Variants in ITSN2 observed in about 807,000 individuals in gnomAD.
ITSN2 encodes the protein intersectin-2.
Under a neutral mutation model 243.7 loss-of-function variants are expected in ITSN2, and 156 were observed. The observed-to-expected ratio is 0.64, with a 90% CI of 0.56 to 0.73. The LOEUF is 0.73. Among genes scored for constraint, ITSN2 ranks in the 30% least tolerant of loss-of-function variants. The pLI, the probability that ITSN2 is intolerant of heterozygous loss-of-function variation, is 0.00. For missense variants in ITSN2, 1,801 were observed against 1,996.1 expected, an observed-to-expected ratio of 0.90 and a Z score of 1.86; for synonymous variants, 703 against 699.9, an observed-to-expected ratio of 1.00 and a Z score of -0.07.
At chr2:24,261,459 C>A in intron 21 of ITSN2, 102 bp downstream of exon 21, 5 of 1,050,790 alleles carry the variant, frequency 4.8e-6, no homozygotes, top group Admixed American at 4.4e-5. Context: ...AAGAGTACAA[C>A]CCGGATTACA....
chr2:24,292,962 A>G (rs1485691758), intron 15 of ITSN2, among the ~76,000 whole-genome samples: 3 of 152,220 alleles, frequency 2.0e-5, no homozygotes, highest in Non-Finnish European at 4.4e-5. Context: ...GACTTGATAG[A>G]GACTCAATGA....
At position 24,204,938 on chromosome 2, in the gene ITSN2, G is replaced by A; in HGVS notation, c.4762+276C>T. Reference sequence around the variant, plus strand: ...GAGGCGGGCAGATCACTTGAGGTCAGGAGTTCGAGACCAGCCTGGCCAACA... The same window carrying A: ...GAGGCGGGCAGATCACTTGAGGTCAAGAGTTCGAGACCAGCCTGGCCAACA... On this transcript the variant is annotated intron_variant, in intron 38 of 39. Coordinates refer to ENST00000355123, the MANE Select transcript of ITSN2 (RefSeq NM_006277.3). This position sits in a 1 kb window ranked among gnomAD's most constrained non-coding sequence, Gnocchi z 5.1. 1 of 374,824 alleles carries A rather than the reference G, an allele frequency of 2.7e-6. No individual in the cohort carries two copies. Among genetic ancestry groups the A allele is most frequent in the East Asian group, 6.8e-5 (1 of 14,672 alleles). The allele number at this position is 374,824 out of a possible 1,614,324, so 23.2% of individuals were successfully genotyped here. A position where few individuals can be genotyped will look rare whatever the true frequency, so the allele number is the denominator to read the frequency against.
At chr2:24,301,533 T>C (rs1031633843) in intron 10 of ITSN2, among the ~76,000 whole-genome samples, 4 of 151,772 alleles carry the variant, frequency 2.6e-5, no homozygotes, top group African/African-American at 9.7e-5. Context: ...CTTCTTTTTT[T>C]TTTTTTTTTT....
chr2:24,260,364 T>A (rs569639307), intron 22 of ITSN2, among the ~76,000 whole-genome samples: 2 of 151,164 alleles, frequency 1.3e-5, no homozygotes, highest in South Asian at 2.1e-4. Flanking sequence ...GTCTGCAATT[T>A]AAAAAAATAA....
intron 30 of ITSN2, chr2:24,220,292 G>C (rs1424524915): frequency 2.0e-6 from 2 of 982,046 alleles, no homozygotes; most frequent in Non-Finnish European, 2.4e-6. Context: ...TGTACACTGG[G>C]AACTGAAAGG....
At chr2:24,255,276 G>A (rs1235793113) in intron 23 of ITSN2, among the ~76,000 whole-genome samples, 10 of 152,218 alleles carry the variant, frequency 6.6e-5, no homozygotes, top group Non-Finnish European at 1.0e-4. Flanking sequence ...GCCTAGCACA[G>A]TGCATGCATA....
At chr2:24,221,591 C>G (rs1670454564) in intron 29 of ITSN2, 1 of 152,294 alleles carries the variant, frequency 6.6e-6, no homozygotes, top group African/African-American at 2.4e-5. Flanking sequence ...TCACTGTGAG[C>G]TACTGTTAAA....
At chr2:24,261,782 T>A in intron 20 of ITSN2, 40 bp from the exon 21 acceptor site, 2 of 1,450,274 alleles carry the variant, frequency 1.4e-6, no homozygotes, top group Non-Finnish European at 1.9e-6. Context: ...GCTTAGAAAT[T>A]CACACATTTA....
rs146547092 is a variant in ITSN2 at position 24,352,373 on chromosome 2, ACTAAT to A, written c.-34+7926_-34+7930del. Among the ~76,000 whole-genome samples, 32 of 152,332 alleles carry A rather than the reference ACTAAT, an allele frequency of 2.1e-4. No homozygotes were observed. The East Asian group carries it at 4.8e-3, about 23-fold the overall frequency. ...TTAGTTGTAATCACAATCACTAATC[ACTAAT>A]CTAATTTGTTTTACTGAAACAAATT... On this transcript the variant is annotated intron_variant, in intron 1 of 39. Coordinates refer to ENST00000355123, the MANE Select transcript of ITSN2 (RefSeq NM_006277.3).
chr2:24,256,220 T>C (rs1675035736), intron 23 of ITSN2, among the ~76,000 whole-genome samples: 1 of 152,212 alleles, frequency 6.6e-6, no homozygotes, highest in Admixed American at 6.5e-5. Flanking sequence ...CGAGACTCCA[T>C]CTCAAAATCA....
chr2:24,267,075 A>C (rs1676740355), intron 20 of ITSN2, among the ~76,000 whole-genome samples: 1 of 152,214 alleles, frequency 6.6e-6, no homozygotes, highest in African/African-American at 2.4e-5. Flanking sequence ...CCTGATTTAA[A>C]TGTATTGTCT....
At chr2:24,227,260 C>G (rs1388471683) in intron 29 of ITSN2, among the ~76,000 whole-genome samples, 2 of 139,460 alleles carry the variant, frequency 1.4e-5, no homozygotes, top group Non-Finnish European at 3.1e-5. Context: ...CACAGAAAAA[C>G]CAAGTCTCAT....
At chr2:24,353,719 A>G (rs1688215985) in intron 1 of ITSN2, among the ~76,000 whole-genome samples, 1 of 152,220 alleles carries the variant, frequency 6.6e-6, no homozygotes, top group South Asian at 2.1e-4. Flanking sequence ...GAAAACATAT[A>G]TCAAGAGTCC....
chr2:24,256,752 A>G (rs1306580599), intron 23 of ITSN2, among the ~76,000 whole-genome samples: 2 of 152,226 alleles, frequency 1.3e-5, no homozygotes, highest in African/African-American at 2.4e-5. Context: ...AAAAATGAAC[A>G]AATAAAAAAA....
intron 37 of ITSN2, chr2:24,206,216 A>G (rs1001717337): frequency 5.0e-6 from 2 of 399,038 alleles, no homozygotes; most frequent in Non-Finnish European, 1.0e-5. Context: ...AAATAACACT[A>G]AATTAGCAAA....
At chr2:24,343,612 A>G (rs944656740) in intron 1 of ITSN2, among the ~76,000 whole-genome samples, 16 of 152,226 alleles carry the variant, frequency 1.1e-4, no homozygotes, top group African/African-American at 3.4e-4. Flanking sequence ...AAGTGGAAGT[A>G]GCAGGTTAGA....
intron 2 of ITSN2, among the ~76,000 whole-genome samples, chr2:24,315,471 T>C (rs1262250879): frequency 6.6e-6 from 1 of 152,230 alleles, no homozygotes; most frequent in East Asian, 1.9e-4. Flanking sequence ...AGCTAAATAC[T>C]GGCAATAAAA....
intron 8 of ITSN2, among the ~76,000 whole-genome samples, chr2:24,307,640 C>T (rs1052375955): frequency 6.6e-6 from 1 of 152,160 alleles, no homozygotes; most frequent in East Asian, 1.9e-4. Context: ...AAATAGTTAT[C>T]ACATAGGTAT....
At chr2:24,327,992 C>T in intron 2 of ITSN2, 60 bp downstream of exon 2, 1 of 1,398,298 alleles carries the variant, frequency 7.2e-7, no homozygotes, top group Non-Finnish European at 9.5e-7. Flanking sequence ...TATTTTAAAC[C>T]TCTACCAAAA....
Sources: allele counts gnomAD v4.1 joint callset (sites outside exome capture counted in the v4.1 genomes callset), GRCh38; gene constraint gnomAD v4.1.1; non-coding constraint Gnocchi (gnomAD v3.1); transcripts MANE v1.5; gene names NCBI Gene and HGNC (gene_info 2026-07-23, HGNC 2026-07-21).